RAB3B: variants seen among roughly 807,000 people sequenced by gnomAD.
RAB3B encodes ras-related protein Rab-3B.
In RAB3B, 11 loss-of-function variants were observed where a neutral mutation model predicts 20.5. The ratio of observed to expected loss-of-function variants is 0.54; its 90% CI spans 0.34 to 0.89. The LOEUF (loss-of-function observed/expected upper bound fraction) is 0.89, where lower values mean the gene tolerates loss of function less well. RAB3B is among the 40% of genes least tolerant of loss of function. The pLI is 0.02. For synonymous variants in RAB3B, 99 were observed against 106.3 expected, an observed-to-expected ratio of 0.93 and a Z score of 0.42; for missense variants, 225 against 280.9, an observed-to-expected ratio of 0.80 and a Z score of 1.42.
chr1:51,930,436 T>G (rs1684306754), intron 4 of RAB3B, among the ~76,000 whole-genome samples: 1 of 152,202 alleles, frequency 6.6e-6, no homozygotes, highest in South Asian at 2.1e-4. Flanking sequence ...AGTTAAGTGG[T>G]TAGGAGCACA....
At chr1:51,934,635 G>T (rs1033404191) in intron 3 of RAB3B, among the ~76,000 whole-genome samples, 6 of 151,862 alleles carry the variant, frequency 4.0e-5, no homozygotes, top group African/African-American at 1.2e-4. Context: ...AATTAGCTGG[G>T]CATGGTGGCA....
intron 2 of RAB3B, among the ~76,000 whole-genome samples, chr1:51,967,704 T>G (rs1023830311): frequency 2.6e-5 from 4 of 151,346 alleles, no homozygotes; most frequent in African/African-American, 4.9e-5. Context: ...TTAAATTTTT[T>G]GTAGAGACAA....
intron 2 of RAB3B, among the ~76,000 whole-genome samples, chr1:51,971,504 C>A (rs1218803700): frequency 6.6e-6 from 1 of 150,818 alleles, no homozygotes; most frequent in Non-Finnish European, 1.5e-5. Flanking sequence ...GCAATCTTGG[C>A]TCACTGAAAC....
intron 4 of RAB3B, among the ~76,000 whole-genome samples, chr1:51,926,493 T>C (rs1205113826): frequency 6.6e-6 from 1 of 152,210 alleles, no homozygotes; most frequent in Non-Finnish European, 1.5e-5. Flanking sequence ...TTTAAGAGGC[T>C]TTGTGTGGTT....
chr1:51,990,251 A>G (rs1228128126), intron 1 of RAB3B, among the ~76,000 whole-genome samples: 1 of 57,500 alleles, frequency 1.7e-5, no homozygotes, highest in Non-Finnish European at 3.2e-5. Flanking sequence ...TCCCCCAGCG[A>G]TCCCTCACTG....
intron 2 of RAB3B, among the ~76,000 whole-genome samples, chr1:51,973,113 A>G (rs1233728871): frequency 6.6e-6 from 1 of 152,176 alleles, no homozygotes; most frequent in Non-Finnish European, 1.5e-5. Flanking sequence ...AAACCCTTCT[A>G]TGGCTCCCCA....
At position 51,914,960 on chromosome 1, in the gene RAB3B, G is replaced by A. The variant is rs1453095387; in HGVS notation, c.*4967C>T. 4 of 152,112 alleles carry A rather than the reference G, an allele frequency of 2.6e-5. No homozygotes were observed. Among genetic ancestry groups the A allele is most frequent in the South Asian group, 2.1e-4 (1 of 4,820 alleles). The allele number at this position is 152,112 out of a possible 1,614,324, so 9.4% of individuals were successfully genotyped here. ...TATTCTGTGGATGTTATAAGGCTTC[G>A]GTCACCAAGCAATTGTGGCTATTTA... On this transcript the variant is annotated 3_prime_UTR_variant, in exon 5 of 5. Coordinates refer to ENST00000371655, the MANE Select transcript of RAB3B (RefSeq NM_002867.4).
chr1:51,934,227 G>T (rs2124251024), intron 3 of RAB3B, among the ~76,000 whole-genome samples: 1 of 152,062 alleles, frequency 6.6e-6, no homozygotes, highest in South Asian at 2.1e-4. Context: ...TTCCCCAAAA[G>T]CTCTTCCATG....
rs1372282666 is a variant in RAB3B at position 51,912,555 on chromosome 1, ATATATATATATAT to A, written c.*7359_*7371del. On this transcript the variant is annotated 3_prime_UTR_variant, in exon 5 of 5. Transcript: ENST00000371655. ...GACCGTCTCTATTAAAAAAAAAAAA[ATATATATATATAT>A]ATATATATATATATATATATATATA... is the stretch of plus-strand genomic sequence containing the variant. 16 of 20,048 alleles carry A rather than the reference ATATATATATATAT, an allele frequency of 8.0e-4. 4 individuals are homozygous for A. Among genetic ancestry groups the A allele is most frequent in the South Asian group, 4.4e-3 (2 of 454 alleles). The allele number at this position is 20,048 out of a possible 1,614,324, so 1.2% of individuals were successfully genotyped here.
chr1:51,980,670 G>A, intron 1 of RAB3B: 3 of 756,896 alleles, frequency 4.0e-6, no homozygotes, highest in Non-Finnish European at 7.3e-6. Flanking sequence ...TGCTTCCCAA[G>A]CAGTATGTGA....
intron 4 of RAB3B, among the ~76,000 whole-genome samples, chr1:51,929,261 A>AT (rs1684289886): frequency 6.6e-6 from 1 of 152,190 alleles, no homozygotes; most frequent in Non-Finnish European, 1.5e-5. Context: ...TAAAGCTGAG[A>AT]AATGGAGAGT....
At chr1:51,966,341 A>G (rs2124296577) in intron 2 of RAB3B, among the ~76,000 whole-genome samples, 1 of 152,326 alleles carries the variant, frequency 6.6e-6, no homozygotes, top group Non-Finnish European at 1.5e-5. Flanking sequence ...CATCGCTTTT[A>G]TCACATTGTA....
intron 4 of RAB3B, among the ~76,000 whole-genome samples, chr1:51,929,931 T>C (rs959191071): frequency 6.6e-6 from 1 of 152,170 alleles, no homozygotes; most frequent in African/African-American, 2.4e-5. Context: ...ATAAGTAAAA[T>C]GTATTAATGA....
chr1:51,989,103 G>GCGCACACACACACACA lies in RAB3B; in HGVS notation c.-1+1448_-1+1449insTGTGTGTGTGTGTGCG, dbSNP rs377673682. 3.1e-3 allele frequency among the ~76,000 whole-genome samples: 408 copies of GCGCACACACACACACA among 132,752 alleles called. 5 individuals carry two copies. Among genetic ancestry groups the GCGCACACACACACACA allele is most frequent in the African/African-American group, 9.3e-3 (333 of 35,912 alleles). The allele number at this position is 132,752 out of a possible 152,430, so 87.1% of individuals were successfully genotyped here. A position where few individuals can be genotyped will look rare whatever the true frequency, so the allele number is the denominator to read the frequency against. On this transcript the variant is annotated intron_variant, in intron 1 of 4. Transcript: ENST00000371655. ...CAGGTGGACACCCACCTGTGCGCGC[G>GCGCACACACACACACA]CACACACACACACACACACACACAC...
At chr1:51,935,158 A>C (rs1487627111) in intron 3 of RAB3B, among the ~76,000 whole-genome samples, 1 of 152,224 alleles carries the variant, frequency 6.6e-6, no homozygotes, top group Non-Finnish European at 1.5e-5. Context: ...GTCAGTCCTG[A>C]AGCAGATCTT....
At chr1:51,960,452 A>C (rs1316733872) in intron 2 of RAB3B, among the ~76,000 whole-genome samples, 6 of 152,200 alleles carry the variant, frequency 3.9e-5, no homozygotes, top group African/African-American at 1.2e-4. Flanking sequence ...TCACAGAGGA[A>C]GGTGAGAAGC....
intron 2 of RAB3B, among the ~76,000 whole-genome samples, chr1:51,963,370 C>A (rs1189016904): frequency 6.6e-6 from 1 of 152,146 alleles, no homozygotes; most frequent in Admixed American, 6.5e-5. Flanking sequence ...AACAGCCTCC[C>A]TTCACATGCC....
At chr1:51,946,890 T>G (rs529674389) in intron 2 of RAB3B, among the ~76,000 whole-genome samples, 4 of 152,366 alleles carry the variant, frequency 2.6e-5, no homozygotes, top group African/African-American at 4.8e-5. Context: ...CCTAAGATCT[T>G]GCAGTCAGTT....
chr1:51,981,497 G>C (rs1057126429), intron 1 of RAB3B, among the ~76,000 whole-genome samples: 3 of 152,056 alleles, frequency 2.0e-5, no homozygotes, highest in African/African-American at 7.2e-5. Context: ...GCATATATAA[G>C]CAAAGAGACC....
Sources: allele counts gnomAD v4.1 joint callset (sites outside exome capture counted in the v4.1 genomes callset), GRCh38; gene constraint gnomAD v4.1.1; transcripts MANE v1.5; gene names NCBI Gene and HGNC (gene_info 2026-07-23, HGNC 2026-07-21).